PKNOX2: variants seen among roughly 807,000 people sequenced by gnomAD.
PKNOX2 encodes homeobox protein PKNOX2.
A neutral mutation model predicts 53.1 loss-of-function variants in PKNOX2; 14 were observed. That is an observed-to-expected ratio of 0.26 (90% confidence interval 0.17 to 0.41). The LOEUF is 0.41. PKNOX2 is among the 10% of genes least tolerant of loss of function. The pLI is 1.00. For missense variants in PKNOX2, 496 were observed against 602.8 expected, an observed-to-expected ratio of 0.82 and a Z score of 1.85; for synonymous variants, 257 against 242.8, an observed-to-expected ratio of 1.06 and a Z score of -0.54.
At chr11:125,257,881 C>T (rs1262322688) in intron 2 of PKNOX2, among the ~76,000 whole-genome samples, 2 of 152,318 alleles carry the variant, frequency 1.3e-5, no homozygotes, top group East Asian at 3.9e-4. Context: ...AAGCCAGTGG[C>T]GTGGAGTAGG....
chr11:125,190,479 C>T (rs180856801), intron 1 of PKNOX2, among the ~76,000 whole-genome samples: 43 of 152,316 alleles, frequency 2.8e-4, no homozygotes, highest in Admixed American at 1.2e-3. Flanking sequence ...TCTCAAAATA[C>T]GGTACTCCGC....
At chr11:125,401,658 G>C (rs1489460789) in intron 7 of PKNOX2, among the ~76,000 whole-genome samples, 10 of 152,164 alleles carry the variant, frequency 6.6e-5, no homozygotes, top group Admixed American at 1.3e-4. Context: ...TCCCAGGAAG[G>C]AGAGGCCCAG....
chr11:125,390,349 C>T (rs985595968), intron 6 of PKNOX2, among the ~76,000 whole-genome samples: 4 of 152,206 alleles, frequency 2.6e-5, no homozygotes, highest in East Asian at 1.9e-4. Context: ...GCAAGACTCG[C>T]GCTCCAGTGA....
At chr11:125,200,950 C>T (rs1479094253) in intron 1 of PKNOX2, among the ~76,000 whole-genome samples, 4 of 152,200 alleles carry the variant, frequency 2.6e-5, no homozygotes. Flanking sequence ...GTACACTGCA[C>T]ATCGAGGGAC....
intron 1 of PKNOX2, among the ~76,000 whole-genome samples, chr11:125,188,790 A>G (rs1395150951): frequency 6.6e-6 from 1 of 152,078 alleles, no homozygotes. Flanking sequence ...GGAGGTGTGT[A>G]AGATCCTATT....
intron 1 of PKNOX2, among the ~76,000 whole-genome samples, chr11:125,179,841 G>T (rs1430370373): frequency 6.6e-5 from 10 of 152,216 alleles, no homozygotes; most frequent in Admixed American, 6.5e-4. Flanking sequence ...GATGGTGGGG[G>T]TGGAGGTAAA....
At chr11:125,185,301 A>G (rs1956386886) in intron 1 of PKNOX2, among the ~76,000 whole-genome samples, 1 of 151,896 alleles carries the variant, frequency 6.6e-6, no homozygotes, top group African/African-American at 2.4e-5. Context: ...AGTTCAATTC[A>G]TTTTACATAA....
At chr11:125,225,295 C>A (rs1941593721) in intron 1 of PKNOX2, among the ~76,000 whole-genome samples, 1 of 152,184 alleles carries the variant, frequency 6.6e-6, no homozygotes, top group Non-Finnish European at 1.5e-5. Flanking sequence ...TCCTTGAGGG[C>A]AGGGAACTGG....
chr11:125,284,222 A>G (rs1002136113), intron 2 of PKNOX2, among the ~76,000 whole-genome samples: 10 of 152,252 alleles, frequency 6.6e-5, no homozygotes, highest in African/African-American at 2.2e-4. Flanking sequence ...TGCATACACC[A>G]CTGACTTCCC....
Position 125,278,347 on chromosome 11 carries a change from G to T in PKNOX2, c.-130+43232G>T, listed in dbSNP as rs150258566. ...AGGGCTTCTGAGGAAACAGGTCCTC[G>T]TAGGGAAGTCTGGGTTTCCCCTAAA... On this transcript the variant is annotated intron_variant, in intron 2 of 12. Coordinates refer to ENST00000298282, the MANE Select transcript of PKNOX2 (RefSeq NM_001382323.2). 6.6e-4 allele frequency among the ~76,000 whole-genome samples: 100 copies of T among 152,288 alleles called. 1 individual carries two copies. Among genetic ancestry groups the T allele is most frequent in the Non-Finnish European group, 1.2e-3 (82 of 68,028 alleles).
chr11:125,342,691 G>C (rs1397556365), intron 3 of PKNOX2, among the ~76,000 whole-genome samples: 2 of 152,056 alleles, frequency 1.3e-5, no homozygotes, highest in East Asian at 1.9e-4. Flanking sequence ...TTTGTCGAGG[G>C]GGACTTCAGT....
At chr11:125,354,390 G>A (rs1951483236) in intron 4 of PKNOX2, among the ~76,000 whole-genome samples, 1 of 152,094 alleles carries the variant, frequency 6.6e-6, no homozygotes, top group Non-Finnish European at 1.5e-5. Flanking sequence ...CGTATGACTT[G>A]TTTCCTCACA....
chr11:125,209,069 A>G (rs986381582), intron 1 of PKNOX2, among the ~76,000 whole-genome samples: 2 of 152,118 alleles, frequency 1.3e-5, no homozygotes, highest in Non-Finnish European at 2.9e-5. Flanking sequence ...GATGGGAGGA[A>G]TATAATTCCA....
chr11:125,179,185 G>A (rs1956007737), intron 1 of PKNOX2, among the ~76,000 whole-genome samples: 1 of 152,118 alleles, frequency 6.6e-6, no homozygotes, highest in South Asian at 2.1e-4. Context: ...CTGAGCATGT[G>A]CCCAGCATTA....
At chr11:125,322,868 G>A (rs1326034253) in intron 2 of PKNOX2, among the ~76,000 whole-genome samples, 1 of 152,220 alleles carries the variant, frequency 6.6e-6, no homozygotes, top group Non-Finnish European at 1.5e-5. Context: ...ATTGATACCA[G>A]AACTACCAAC....
chr11:125,406,848 G>T (rs2135517569), intron 7 of PKNOX2, among the ~76,000 whole-genome samples: 1 of 137,432 alleles, frequency 7.3e-6, no homozygotes, highest in South Asian at 2.5e-4. Context: ...TCACAAGGAA[G>T]TTTTTAGAAA....
chr11:125,424,126 C>T (rs978350505), intron 10 of PKNOX2, among the ~76,000 whole-genome samples: 1 of 148,574 alleles, frequency 6.7e-6, no homozygotes, highest in Admixed American at 6.7e-5. Flanking sequence ...TTTGGGGGGA[C>T]AGAAGGGGGT....
chr11:125,281,763 A>G (rs1946572680), intron 2 of PKNOX2, among the ~76,000 whole-genome samples: 1 of 152,196 alleles, frequency 6.6e-6, no homozygotes, highest in African/African-American at 2.4e-5. Context: ...AAGGAACAGC[A>G]ATTTCTAGCT....
intron 2 of PKNOX2, among the ~76,000 whole-genome samples, chr11:125,245,132 T>A (rs942266799): frequency 2.0e-4 from 31 of 152,140 alleles, no homozygotes; most frequent in African/African-American, 6.5e-4. Context: ...AAGGTGTGTG[T>A]TTTATCCTGA....
Sources: allele counts gnomAD v4.1 joint callset (sites outside exome capture counted in the v4.1 genomes callset), GRCh38; gene constraint gnomAD v4.1.1; transcripts MANE v1.5; gene names NCBI Gene and HGNC (gene_info 2026-07-23, HGNC 2026-07-21).